LMAN1L: variants seen among roughly 807,000 people sequenced by gnomAD.
LMAN1L encodes protein ERGIC-53-like.
LMAN1L carries 60 observed loss-of-function variants against 58.3 expected under a neutral mutation model. That is an observed-to-expected ratio of 1.03 (90% CI 0.84 to 1.27). The LOEUF is 1.27. Ranked by LOEUF, LMAN1L falls within the 50% of genes most tolerant of loss-of-function variation. The probability of loss-of-function intolerance (pLI) is 0.00; values close to 1 mark genes in which losing one functional copy is unlikely to be tolerated. For synonymous variants in LMAN1L, 280 were observed against 271.6 expected (o/e 1.03, Z -0.31); for missense variants, 629 against 674.0 (o/e 0.93, Z 0.74).
At chr15:74,814,339 G>A (rs1567222889) in intron 1 of LMAN1L, among the ~76,000 whole-genome samples, 2 of 147,978 alleles carry the variant, frequency 1.4e-5, no homozygotes, top group Non-Finnish European at 3.0e-5. Flanking sequence ...GATTACAGGT[G>A]TGTGCCACCA....
chr15:74,818,761 C>A lies in LMAN1L; in HGVS notation c.541C>A (p.Arg181=). 6.2e-7 allele frequency: 1 copy of A among 1,611,812 alleles called. No homozygotes were observed. Residue 181 remains arginine, a synonymous_variant, in exon 5 of 14, where the codon CGG becomes AGG. Coordinates refer to ENST00000309664, the MANE Select transcript of LMAN1L (RefSeq NM_021819.3). ...GCTGGGCTCCTGTCATTGGGACTTCCGGAACCGGCCACACCCCTTCAGAGC... is the reference window on the plus strand; with the variant it reads ...GCTGGGCTCCTGTCATTGGGACTTCAGGAACCGGCCACACCCCTTCAGAGC... ...QGLGSCHWDF[R]NRPHPFRARI...
intron 5 of LMAN1L, 148 bp downstream of exon 5, chr15:74,818,965 T>C (rs1337540702): frequency 4.0e-6 from 4 of 993,054 alleles, no homozygotes; most frequent in Non-Finnish European, 6.0e-6. Flanking sequence ...CCTCCATCCC[T>C]ACACAGAATC....
At chr15:74,819,766 G>C in intron 6 of LMAN1L, 1 of 554,126 alleles carries the variant, frequency 1.8e-6, no homozygotes, top group South Asian at 2.1e-5. Context: ...AGTGTCAGAT[G>C]GTCTGCTGCC....
chr15:74,813,358 C>T, intron 1 of LMAN1L: 1 of 489,520 alleles, frequency 2.0e-6, no homozygotes. Flanking sequence ...CACACTAAGT[C>T]CCAGGCACAC....
Position 74,820,737 on chromosome 15 carries a change from C to T in LMAN1L, c.877C>T (p.Pro293Ser). The change falls in exon 8 of 14, where the codon CCA (proline) becomes TCA (serine). Residue 293 changes from proline to serine, a missense_variant. Pro to Ser is a moderately conservative substitution (Grantham distance 74). Coordinates refer to ENST00000309664, the MANE Select transcript of LMAN1L (RefSeq NM_021819.3). ...CTTGGGCACCAGGGAGGATGTAACT[C>T]CAAAATCAGACTCTGAAGCTCAAGG... is the stretch of plus-strand genomic sequence containing the variant. ...LGLGTREDVTPKSDSEAQGEG... is the reference protein window; with the variant it reads ...LGLGTREDVTSKSDSEAQGEG... 1 of 1,613,452 alleles carries T rather than the reference C, an allele frequency of 6.2e-7. No homozygotes were observed. Among genetic ancestry groups the T allele is most frequent in the Non-Finnish European group, 8.5e-7 (1 of 1,179,876 alleles).
chr15:74,813,444 C>G (rs2063874762), intron 1 of LMAN1L: 1 of 458,616 alleles, frequency 2.2e-6, no homozygotes, highest in Non-Finnish European at 4.4e-6. Flanking sequence ...GCCATGAGAA[C>G]TGGGGGCTAC....
intron 6 of LMAN1L, chr15:74,819,700 A>T: frequency 2.0e-6 from 1 of 489,638 alleles, no homozygotes; most frequent in Non-Finnish European, 3.7e-6. Flanking sequence ...TATGCTGGAA[A>T]GGTGGCCACT....
chr15:74,813,160 A>T, intron 1 of LMAN1L, 131 bp downstream of exon 1: 1 of 965,578 alleles, frequency 1.0e-6, no homozygotes, highest in Non-Finnish European at 1.6e-6. Flanking sequence ...GGACAGTGCC[A>T]GGCACCCCAG....
Position 74,819,147 on chromosome 15 carries a change from C to G in LMAN1L, c.598-5C>G, listed in dbSNP as rs753786467. 6.2e-7 allele frequency: 1 copy of G among 1,607,662 alleles called. No homozygotes were observed. Among genetic ancestry groups the G allele is most frequent in the Non-Finnish European group, 8.5e-7 (1 of 1,176,526 alleles). ...CCCACTGCTCACTCTCTCCATGTCC[C>G]TCAGATGTCCTTGAACAGTGGCCTC... On this transcript the variant is annotated splice_region_variant and splice_polypyrimidine_tract_variant and intron_variant, in intron 5 of 13. Transcript: ENST00000309664.
rs1357738366 is a variant in LMAN1L at position 74,821,805 on chromosome 15, A to C, written c.1060-24A>C. 1.9e-6 allele frequency: 3 copies of C among 1,577,408 alleles called. No homozygotes were observed. The African/African-American group carries it at 4.1e-5, about 21-fold the overall frequency. ...GGGAGGGGACTTACACTCCAGGGCC[A>C]AGCCTCTCTGATCCTATCCCCAGGC... On this transcript the variant is annotated intron_variant, in intron 9 of 13. Coordinates refer to ENST00000309664, the MANE Select transcript of LMAN1L (RefSeq NM_021819.3).
intron 4 of LMAN1L, among the ~76,000 whole-genome samples, chr15:74,817,926 C>A (rs2063898990): frequency 6.6e-6 from 1 of 151,204 alleles, no homozygotes; most frequent in Admixed American, 6.6e-5. Context: ...GGCAGGAGAA[C>A]CGCTTGAACC....
Position 74,822,511 on chromosome 15 carries a change from T to A in LMAN1L, c.1132-131T>A, listed in dbSNP as rs891060984. Reference sequence around the variant, plus strand: ...GATGAGGTCAGAGAAACACAGTGTGTCCAAATAAGGAGGCCCTGGTAATCT... The same window carrying A: ...GATGAGGTCAGAGAAACACAGTGTGACCAAATAAGGAGGCCCTGGTAATCT... On this transcript the variant is annotated intron_variant, in intron 10 of 13. Coordinates refer to ENST00000309664, the MANE Select transcript of LMAN1L (RefSeq NM_021819.3). 2.2e-5 allele frequency: 15 copies of A among 672,486 alleles called. No individual in the cohort carries two copies. In the African/African-American group the frequency reaches 2.7e-4, roughly 12 times the overall value. 41.7% of individuals were successfully genotyped at this position (672,486 alleles called of 1,614,324 possible). A position where few individuals can be genotyped will look rare whatever the true frequency, so the allele number is the denominator to read the frequency against.
At chr15:74,818,028 A>G (rs142124395) in intron 4 of LMAN1L, among the ~76,000 whole-genome samples, 44 of 149,868 alleles carry the variant, frequency 2.9e-4, no homozygotes, top group South Asian at 2.1e-3. Context: ...AAAAAAAAAA[A>G]AGAGAGAGAG....
rs111601880 is a variant in LMAN1L, at chr15:74,819,173, A to C, written c.619A>C (p.Thr207Pro). Residue 207 changes from threonine to proline, a missense_variant, in exon 6 of 14, where the codon ACT becomes CCT. Transcript: ENST00000309664. Reference sequence around the variant, plus strand: ...TCAGATGTCCTTGAACAGTGGCCTCACTCCCAGTGATCCAGGTGAGTTCTG... The same window carrying C: ...TCAGATGTCCTTGAACAGTGGCCTCCCTCCCAGTGATCCAGGTGAGTTCTG... ...RLRMSLNSGL[T>P]PSDPGEFCVD... 3.6e-4 allele frequency: 579 copies of C among 1,613,048 alleles called. No individual in the cohort carries two copies. In the African/African-American group the frequency reaches 6.5e-3, roughly 18 times the overall value.
At chr15:74,822,566 G>A in intron 10 of LMAN1L, 76 bp from the exon 11 acceptor site, 1 of 1,204,314 alleles carries the variant, frequency 8.3e-7, no homozygotes, top group South Asian at 1.2e-5. Flanking sequence ...AGAGGCTGCA[G>A]TGCCGCTGGG....
At chr15:74,823,755 C>T in intron 12 of LMAN1L, 73 bp downstream of exon 12, 1 of 1,559,276 alleles carries the variant, frequency 6.4e-7, no homozygotes, top group Non-Finnish European at 8.7e-7. Context: ...TCTTCCAGCA[C>T]TTCAGCAGCC....
Position 74,821,297 on chromosome 15 carries a change from A to G in LMAN1L, c.1059+71A>G, listed in dbSNP as rs8031811. 2.4e-4 allele frequency: 355 copies of G among 1,498,124 alleles called. No homozygotes were observed. The African/African-American group carries it at 4.6e-3, about 19-fold the overall frequency. 92.8% of individuals were successfully genotyped at this position (1,498,124 alleles called of 1,614,324 possible). On this transcript the variant is annotated intron_variant, in intron 9 of 13. Coordinates refer to ENST00000309664, the MANE Select transcript of LMAN1L (RefSeq NM_021819.3). ...AGAGGAGCAAGCACTGTAGTCAGCA[A>G]CTAGTCTCCCCTAAGGCCTGGAGGG...
chr15:74,825,254 G>C (rs1297846577), intron 13 of LMAN1L: 1 of 498,104 alleles, frequency 2.0e-6, no homozygotes, highest in African/African-American at 1.9e-5. Context: ...ACATGCACAG[G>C]AGTGCAGTGG....
rs1245245091 is a variant in LMAN1L at position 74,820,106 on chromosome 15, C to T, written c.774+7C>T. 3 of 1,612,772 alleles carry T rather than the reference C, an allele frequency of 1.9e-6. No individual in the cohort carries two copies. The highest frequency in any genetic ancestry group is 2.7e-5 in the African/African-American group (2 of 74,920). ...GAGTGAGCCCAGCCCAGAGGTGATG[C>T]CAGCCCTGGCCTACCTGGGAATGGC... On this transcript the variant is annotated splice_region_variant and intron_variant, in intron 7 of 13. Transcript: ENST00000309664.
Sources: gnomAD v4.1 joint callset for allele counts (sites outside exome capture counted in the v4.1 genomes callset) on GRCh38, gnomAD v4.1.1 for gene constraint, MANE v1.5 for transcripts, NCBI Gene and HGNC (gene_info 2026-07-23, HGNC 2026-07-21) for gene names.